DKK2: variants seen among roughly 807,000 people sequenced by gnomAD.
The protein encoded by DKK2 is dickkopf Wnt signaling pathway inhibitor 2, also known as dickkopf-related protein 2.
A neutral mutation model predicts 28.1 loss-of-function variants in DKK2; 11 were observed. The observed-to-expected ratio is 0.39, with a 90% confidence interval of 0.25 to 0.65. DKK2 has a LOEUF of 0.65. Among genes scored for constraint, DKK2 ranks in the 30% least tolerant of loss-of-function variants. The pLI is 0.47. For synonymous variants in DKK2, 135 were observed against 126.5 expected (o/e 1.07, Z -0.45); for missense variants, 326 against 335.5 (o/e 0.97, Z 0.22).
At chr4:106,995,756 G>A (rs1723263233) in intron 1 of DKK2, among the ~76,000 whole-genome samples, 1 of 152,158 alleles carries the variant, frequency 6.6e-6, no homozygotes, top group Non-Finnish European at 1.5e-5. Context: ...GGGACTACAA[G>A]CGTGTCCCAC....
rs1389246408 is a variant in DKK2, at chr4:107,035,502, A to G, written c.90T>C (p.Ser30=). The G allele has an allele frequency of 6.2e-7, 1 of 1,614,088 alleles. No homozygotes were observed. The highest frequency in any genetic ancestry group is 1.1e-5 in the South Asian group (1 of 91,078). ...TGATGGAGTTGAGTTTGGCCCGCGA[A>G]CTGCCGATCTGTGAGCTCTCCACCA... ...VLMVESSQIG[S]SRAKLNSIKS... The change falls in exon 1 of 4, where the codon AGT becomes AGC. Residue 30 remains serine (S), a synonymous_variant. Transcript: ENST00000285311.
chr4:107,026,125 T>C (rs970901808), intron 1 of DKK2, among the ~76,000 whole-genome samples: 1 of 152,216 alleles, frequency 6.6e-6, no homozygotes, highest in East Asian at 1.9e-4. Flanking sequence ...TCCAGTTCTG[T>C]GTCCTGCTTT....
chr4:106,990,086 A>G (rs1257511604), intron 1 of DKK2, among the ~76,000 whole-genome samples: 10 of 152,190 alleles, frequency 6.6e-5, no homozygotes, highest in Non-Finnish European at 1.2e-4. Context: ...TAAATCCTCA[A>G]GTAAAATGTA....
At chr4:107,025,025 C>A (rs962760603) in intron 1 of DKK2, among the ~76,000 whole-genome samples, 60 of 152,296 alleles carry the variant, frequency 3.9e-4, no homozygotes, top group African/African-American at 1.2e-3. Flanking sequence ...GGCTCACTTA[C>A]TCCTGAAGTG....
chr4:106,960,127 T>C (rs763616208), intron 1 of DKK2, among the ~76,000 whole-genome samples: 2 of 149,984 alleles, frequency 1.3e-5, no homozygotes, highest in Admixed American at 6.7e-5. Context: ...TATATATATA[T>C]ATATACACAC....
intron 3 of DKK2, 79 bp downstream of exon 3, chr4:106,924,466 A>T (rs1015965534): frequency 2.0e-6 from 3 of 1,501,488 alleles, no homozygotes; most frequent in Admixed American, 4.2e-5. Context: ...ATTTTTTCTA[A>T]AACCAATGGA....
intron 1 of DKK2, among the ~76,000 whole-genome samples, chr4:106,984,032 A>T (rs1560585995): frequency 6.6e-6 from 1 of 152,138 alleles, no homozygotes; most frequent in Non-Finnish European, 1.5e-5. Context: ...TGGCACAGCC[A>T]CTCTGGCAGT....
intron 1 of DKK2, among the ~76,000 whole-genome samples, chr4:107,028,074 A>T (rs993421678): frequency 1.3e-5 from 2 of 152,100 alleles, no homozygotes; most frequent in African/African-American, 4.8e-5. Flanking sequence ...TTAACATCTG[A>T]GGTACCATTG....
intron 1 of DKK2, among the ~76,000 whole-genome samples, chr4:106,980,732 A>G (rs1723015420): frequency 2.0e-5 from 3 of 152,188 alleles, no homozygotes. Context: ...TTCATGTGTA[A>G]AGGAAATTAA....
chr4:106,937,772 A>G (rs1200165768), intron 1 of DKK2, among the ~76,000 whole-genome samples: 1 of 149,576 alleles, frequency 6.7e-6, no homozygotes, highest in African/African-American at 2.4e-5. Context: ...ACTATCTCTC[A>G]GACCACAGTG....
chr4:106,965,272 T>C (rs1325067980), intron 1 of DKK2, among the ~76,000 whole-genome samples: 1 of 152,106 alleles, frequency 6.6e-6, no homozygotes, highest in Non-Finnish European at 1.5e-5. Flanking sequence ...AATATCCAGA[T>C]AATTAATATT....
intron 1 of DKK2, among the ~76,000 whole-genome samples, chr4:106,970,509 T>C (rs535671808): frequency 1.1e-4 from 16 of 152,088 alleles, no homozygotes; most frequent in Admixed American, 2.6e-4. Flanking sequence ...ATCCATGTTA[T>C]CATGATTATA....
intron 1 of DKK2, among the ~76,000 whole-genome samples, chr4:107,028,974 T>C (rs1447925943): frequency 6.6e-6 from 1 of 152,152 alleles, no homozygotes; most frequent in Admixed American, 6.5e-5. Flanking sequence ...CACTATAATT[T>C]ATACTTTAAT....
At chr4:106,941,558 T>G (rs1362391070) in intron 1 of DKK2, among the ~76,000 whole-genome samples, 2 of 152,114 alleles carry the variant, frequency 1.3e-5, no homozygotes, top group Non-Finnish European at 2.9e-5. Flanking sequence ...TTTGGACTGT[T>G]CAGTTGTCAA....
At chr4:106,951,520 C>T (rs1018167045) in intron 1 of DKK2, among the ~76,000 whole-genome samples, 16 of 152,052 alleles carry the variant, frequency 1.1e-4, no homozygotes, top group African/African-American at 3.9e-4. Flanking sequence ...AGAATGAAAC[C>T]GTGTCATTTG....
intron 1 of DKK2, among the ~76,000 whole-genome samples, chr4:107,026,133 T>C (rs1441489781): frequency 2.0e-5 from 3 of 152,166 alleles, no homozygotes; most frequent in Non-Finnish European, 4.4e-5. Context: ...TGTGTCCTGC[T>C]TTAGTCTGTT....
At chr4:107,027,994 C>T (rs1255413245) in intron 1 of DKK2, among the ~76,000 whole-genome samples, 2 of 151,922 alleles carry the variant, frequency 1.3e-5, no homozygotes, top group Non-Finnish European at 2.9e-5. Context: ...CCTCGTGATC[C>T]GCCCGCCTCA....
chr4:106,976,349 T>G (rs1463343236), intron 1 of DKK2, among the ~76,000 whole-genome samples: 3 of 152,192 alleles, frequency 2.0e-5, no homozygotes, highest in Non-Finnish European at 1.5e-5. Context: ...GTGTTAAATC[T>G]CCCACTATTA....
chr4:106,959,677 A>G (rs140615733), intron 1 of DKK2, among the ~76,000 whole-genome samples: 1 of 152,266 alleles, frequency 6.6e-6, no homozygotes, highest in African/African-American at 2.4e-5. Flanking sequence ...TATGTTTGGA[A>G]AAATAAAAGA....
Sources: allele counts gnomAD v4.1 joint callset (sites outside exome capture counted in the v4.1 genomes callset), GRCh38; gene constraint gnomAD v4.1.1; transcripts MANE v1.5; gene names NCBI Gene and HGNC (gene_info 2026-07-23, HGNC 2026-07-21).